The following ZNF385D variants were observed in gnomAD, a reference collection of about 807,000 sequenced individuals.
ZNF385D encodes the protein zinc finger protein 659.
In ZNF385D, 15 loss-of-function variants were observed where a neutral mutation model predicts 35.8. The ratio of observed to expected loss-of-function variants is 0.42; its 90% CI spans 0.28 to 0.64. The LOEUF (loss-of-function observed/expected upper bound fraction) is 0.64. Among genes scored for constraint, ZNF385D ranks in the 30% least tolerant of loss-of-function variants. The pLI is 0.23. For missense variants in ZNF385D, 474 were observed against 494.6 expected (o/e 0.96, Z 0.39); for synonymous variants, 212 against 186.8 (o/e 1.13, Z -1.10).
intron 3 of ZNF385D, among the ~76,000 whole-genome samples, chr3:21,550,880 A>G (rs1358523392): frequency 1.3e-5 from 2 of 152,196 alleles, no homozygotes; most frequent in African/African-American, 4.8e-5. Context: ...AAGCAATGTT[A>G]TGCTCTCATG....
At chr3:21,431,256 C>T (rs2125217859) in intron 5 of ZNF385D, 1 of 152,278 alleles carries the variant, frequency 6.6e-6, no homozygotes, top group African/African-American at 2.4e-5. Flanking sequence ...TCTGAAGTCA[C>T]TCATTCTGGT....
chr3:22,261,072 G>C (rs1271712222), intron 2 of ZNF385D, among the ~76,000 whole-genome samples: 1 of 151,226 alleles, frequency 6.6e-6, no homozygotes, highest in African/African-American at 2.4e-5. Context: ...TTTAATCACT[G>C]TGTTTTGCCT....
At chr3:21,446,017 T>C (rs1182149594) in intron 4 of ZNF385D, among the ~76,000 whole-genome samples, 1 of 152,220 alleles carries the variant, frequency 6.6e-6, no homozygotes, top group East Asian at 1.9e-4. Flanking sequence ...AACTAGTGAT[T>C]GTGAGACTTT....
chr3:21,643,939 T>C (rs181226391), intron 2 of ZNF385D, among the ~76,000 whole-genome samples: 4 of 152,230 alleles, frequency 2.6e-5, no homozygotes, highest in Admixed American at 2.0e-4. Context: ...AAGAATAATG[T>C]GGGATAGACT....
intron 3 of ZNF385D, among the ~76,000 whole-genome samples, chr3:22,147,904 G>A (rs143054545): frequency 2.0e-5 from 3 of 152,236 alleles, no homozygotes; most frequent in African/African-American, 7.2e-5. Flanking sequence ...CTGGAATCAT[G>A]AGCAATCATG....
chr3:21,559,459 C>G (rs1045929455), intron 3 of ZNF385D, among the ~76,000 whole-genome samples: 1 of 148,662 alleles, frequency 6.7e-6, no homozygotes, highest in Non-Finnish European at 1.5e-5. Flanking sequence ...GTTGAACATT[C>G]TTTTCTTTAA....
chr3:22,124,903 T>A (rs142888445), intron 3 of ZNF385D, among the ~76,000 whole-genome samples: 1 of 152,116 alleles, frequency 6.6e-6, no homozygotes, highest in Non-Finnish European at 1.5e-5. Context: ...CTTGGCTGCA[T>A]AGAAGCTTTT....
chr3:22,063,468 T>C (rs1357973511), intron 3 of ZNF385D, among the ~76,000 whole-genome samples: 2 of 152,198 alleles, frequency 1.3e-5, no homozygotes, highest in African/African-American at 2.4e-5. Context: ...GAATATTCAA[T>C]AGATTTTTAC....
At chr3:22,309,983 C>A (rs1015094715) in intron 2 of ZNF385D, among the ~76,000 whole-genome samples, 1 of 151,882 alleles carries the variant, frequency 6.6e-6, no homozygotes, top group Non-Finnish European at 1.5e-5. Flanking sequence ...ATGAACTGCT[C>A]AATGGACCAA....
chr3:21,781,220 A>G (rs2071476817), intron 3 of ZNF385D, among the ~76,000 whole-genome samples: 1 of 152,098 alleles, frequency 6.6e-6, no homozygotes, highest in Non-Finnish European at 1.5e-5. Context: ...AAAGCGAGAA[A>G]AGGGAAAGGA....
intron 2 of ZNF385D, among the ~76,000 whole-genome samples, chr3:22,320,025 G>A (rs2125443277): frequency 6.6e-6 from 1 of 151,530 alleles, no homozygotes; most frequent in African/African-American, 2.4e-5. Context: ...ACTGTGATTT[G>A]GAAGATCCTG....
intron 3 of ZNF385D, among the ~76,000 whole-genome samples, chr3:22,094,384 T>TTA (rs1553606509): frequency 9.6e-6 from 1 of 104,152 alleles, no homozygotes; most frequent in Non-Finnish European, 2.1e-5. Context: ...CATTTATTGT[T>TTA]GATATATATA....
upstream of ZNF385D, among the ~76,000 whole-genome samples, chr3:21,754,636 T>A (rs55989422): frequency 0.028 from 4,224 of 152,108 alleles, 197 homozygotes; most frequent in African/African-American, 0.096. Flanking sequence ...AGTTTTAAAA[T>A]GCCTTTGTCC....
At chr3:21,761,171 A>G (rs1352909145) in intron 3 of ZNF385D, among the ~76,000 whole-genome samples, 2 of 152,160 alleles carry the variant, frequency 1.3e-5, no homozygotes, top group Non-Finnish European at 2.9e-5. Flanking sequence ...TTGGAAGGGG[A>G]TTCTTCAAAC....
intron 3 of ZNF385D, among the ~76,000 whole-genome samples, chr3:21,760,326 T>C (rs1228885668): frequency 6.6e-6 from 1 of 152,194 alleles, no homozygotes; most frequent in Non-Finnish European, 1.5e-5. Flanking sequence ...AGGAACTTAA[T>C]TCATCTTGCT....
At chr3:21,875,595 T>G (rs886140728) in intron 3 of ZNF385D, among the ~76,000 whole-genome samples, 3 of 152,098 alleles carry the variant, frequency 2.0e-5, no homozygotes, top group East Asian at 1.9e-4. Flanking sequence ...GATACTCCAG[T>G]GCAAAATGGT....
At chr3:21,765,369 T>C (rs887681532) in intron 3 of ZNF385D, among the ~76,000 whole-genome samples, 16 of 152,082 alleles carry the variant, frequency 1.1e-4, no homozygotes, top group Admixed American at 3.9e-4. Context: ...TTCTCCTCTC[T>C]GGGGAAATGC....
At chr3:22,359,044 T>G (rs908442770) in intron 2 of ZNF385D, among the ~76,000 whole-genome samples, 10 of 115,166 alleles carry the variant, frequency 8.7e-5, no homozygotes, top group African/African-American at 2.6e-4. Flanking sequence ...CTACCCGTAT[T>G]AAAACAAACA....
chr3:22,086,891 C>T (rs1299416798), intron 3 of ZNF385D, among the ~76,000 whole-genome samples: 1 of 151,838 alleles, frequency 6.6e-6, no homozygotes, highest in Non-Finnish European at 1.5e-5. Context: ...AATGAGAACA[C>T]TTGGACACAG....
Sources: gnomAD v4.1 joint callset for allele counts (sites outside exome capture counted in the v4.1 genomes callset) on GRCh38, gnomAD v4.1.1 for gene constraint, MANE v1.5 for transcripts, NCBI Gene and HGNC (gene_info 2026-07-23, HGNC 2026-07-21) for gene names.